Variants in ZRANB1 observed in about 807,000 individuals in gnomAD.
ZRANB1 encodes the protein zinc finger RANBP2-type containing 1.
ZRANB1 carries 16 observed loss-of-function variants against 80.5 expected under a neutral mutation model. The ratio of observed to expected loss-of-function variants is 0.20; its 90% CI spans 0.13 to 0.30. The LOEUF (loss-of-function observed/expected upper bound fraction) is 0.30. ZRANB1 is among the 10% of genes least tolerant of loss of function. ZRANB1 has a pLI of 1.00. For synonymous variants in ZRANB1, 291 were observed against 293.1 expected (o/e 0.99, Z 0.07); for missense variants, 576 against 862.6 (o/e 0.67, Z 4.16).
At chr10:124,980,120 ATGGTGG>A (rs1951919582) in intron 5 of ZRANB1, among the ~76,000 whole-genome samples, 1 of 152,178 alleles carries the variant, frequency 6.6e-6, no homozygotes, top group South Asian at 2.1e-4. Context: ...AATTGGGGTG[ATGGTGG>A]TATTGCCAGC....
At chr10:124,922,706 G>A in the ZRANB1 span, among the ~76,000 whole-genome samples, 6 of 151,662 alleles carry the variant, frequency 4.0e-5, no homozygotes, top group East Asian at 2.0e-4. Flanking sequence ...GTGTTGGCCC[G>A]GCTGGTCTCG....
chr10:124,984,316 ATTC>A lies in ZRANB1; in HGVS notation c.1909-455_1909-453del, dbSNP rs573061511. ...AACAACGCTCTTTCAGAAAGCCAGT[ATTC>A]TTATAAAAGTATTGGTCTTTTATTT... On this transcript the variant is annotated intron_variant, in intron 8 of 8. Transcript: ENST00000359653. 7.7e-5 allele frequency: 12 copies of A among 155,726 alleles called. 1 individual carries two copies. Among genetic ancestry groups the A allele is most frequent in the African/African-American group, 2.9e-4 (12 of 41,630 alleles). The allele number at this position is 155,726 out of a possible 1,614,324, so 9.6% of individuals were successfully genotyped here.
chr10:124,972,792 G>A (rs76509216), intron 3 of ZRANB1, among the ~76,000 whole-genome samples: 23,945 of 148,552 alleles, frequency 0.16, 2,441 homozygotes, highest in African/African-American at 0.29. Flanking sequence ...TTTTTTTTTA[G>A]ATTGAAACGG....
At chr10:124,961,736 CTT>C (rs1951736239) in intron 1 of ZRANB1, among the ~76,000 whole-genome samples, 1 of 152,146 alleles carries the variant, frequency 6.6e-6, no homozygotes, top group South Asian at 2.1e-4. Flanking sequence ...CTCATTGAAT[CTT>C]TTATTTTTCT....
In ZRANB1 at chr10:124,985,164, C is replaced by G. The variant is rs766083557; in HGVS notation, c.*172C>G. Reference sequence around the variant, plus strand: ...CCTTATGGAGATAATGCCTCTGCTGCGTGAGGAGACAGAGAACTTTAGTTG... The same window carrying G: ...CCTTATGGAGATAATGCCTCTGCTGGGTGAGGAGACAGAGAACTTTAGTTG... On this transcript the variant is annotated 3_prime_UTR_variant, in exon 9 of 9. Coordinates refer to ENST00000359653, the MANE Select transcript of ZRANB1 (RefSeq NM_017580.3). 1 of 528,564 alleles carries G rather than the reference C, an allele frequency of 1.9e-6. No homozygotes were observed. Among genetic ancestry groups the G allele is most frequent in the Non-Finnish European group, 3.3e-6 (1 of 301,298 alleles). The allele number at this position is 528,564 out of a possible 1,614,324, so 32.7% of individuals were successfully genotyped here.
At chr10:124,972,839 C>T (rs988130371) in intron 3 of ZRANB1, among the ~76,000 whole-genome samples, 4 of 150,794 alleles carry the variant, frequency 2.7e-5, no homozygotes, top group African/African-American at 9.8e-5. Flanking sequence ...GTGCAATGGG[C>T]GTGATCATAG....
chr10:124,975,334 T>A (rs1951867175), intron 5 of ZRANB1, among the ~76,000 whole-genome samples: 1 of 152,190 alleles, frequency 6.6e-6, no homozygotes. Flanking sequence ...CGTGGGTCAA[T>A]TCGTTGTAGA....
intron 6 of ZRANB1, among the ~76,000 whole-genome samples, chr10:124,982,160 C>T (rs1951940775): frequency 6.6e-6 from 1 of 152,176 alleles, no homozygotes; most frequent in Non-Finnish European, 1.5e-5. Context: ...CTTGGGATTG[C>T]TCTCCGTTCC....
the ZRANB1 span, among the ~76,000 whole-genome samples, chr10:124,931,849 A>G: frequency 1.3e-5 from 2 of 152,206 alleles, no homozygotes; most frequent in East Asian, 3.8e-4. Context: ...CCCAAAGTAC[A>G]TAATTTACAG....
chr10:124,943,032 T>C lies in ZRANB1; in HGVS notation c.539T>C (p.Ile180Thr), dbSNP rs1164311633. 2 of 1,614,174 alleles carry C rather than the reference T, an allele frequency of 1.2e-6. No homozygotes were observed. The highest frequency in any genetic ancestry group is 1.7e-5 in the Admixed American group (1 of 60,010). Reference sequence around the variant, plus strand: ...TGTGATCATCCCAGACCTAATAACATTGAAGCAATAGAATTGGCAGAGACT... The same window carrying C: ...TGTGATCATCCCAGACCTAATAACACTGAAGCAATAGAATTGGCAGAGACT... ...VVCDHPRPNN[I>T]EAIELAETEE... is the part of the protein sequence containing the mutation. Residue 180 changes from isoleucine (I) to threonine (T), a missense_variant, in exon 1 of 9, where the codon ATT (isoleucine) becomes ACT (threonine). Coordinates refer to ENST00000359653, the MANE Select transcript of ZRANB1 (RefSeq NM_017580.3).
the ZRANB1 span, among the ~76,000 whole-genome samples, chr10:124,927,117 G>A: frequency 9.9e-5 from 15 of 152,040 alleles, no homozygotes; most frequent in Non-Finnish European, 1.9e-4. Flanking sequence ...CACCTCGCCC[G>A]GCTAATTTTT....
the ZRANB1 span, among the ~76,000 whole-genome samples, chr10:124,927,835 G>A: frequency 3.6e-4 from 55 of 152,252 alleles, no homozygotes; most frequent in African/African-American, 1.0e-3. Context: ...CCAGGAGTTG[G>A]AGACCAGCCT....
intron 1 of ZRANB1, 100 bp from the exon 2 acceptor site, chr10:124,966,494 C>A: frequency 8.6e-7 from 1 of 1,157,588 alleles, no homozygotes; most frequent in Non-Finnish European, 1.3e-6. Flanking sequence ...ATCCAGGAAG[C>A]ACAGAGAAAC....
chr10:124,947,084 G>A (rs1451577578), intron 1 of ZRANB1, among the ~76,000 whole-genome samples: 7 of 152,204 alleles, frequency 4.6e-5, no homozygotes, highest in African/African-American at 1.4e-4. Context: ...TAACACATCA[G>A]CAGTATCGAG....
intron 1 of ZRANB1, among the ~76,000 whole-genome samples, chr10:124,957,932 G>C (rs887215181): frequency 1.3e-5 from 2 of 152,140 alleles, no homozygotes; most frequent in Non-Finnish European, 2.9e-5. Flanking sequence ...GTTTCACCAT[G>C]TTGGCCAGGC....
At position 124,942,777 on chromosome 10, in the gene ZRANB1, A is replaced by G; in HGVS notation, c.284A>G (p.Tyr95Cys). Residue 95 changes from tyrosine (Y) to cysteine (C), a missense_variant, in exon 1 of 9, where the codon TAT becomes TGT. This residue lies in a region of ZRANB1 where 411 missense variants were observed against 583.1 expected (regional missense o/e 0.70). Coordinates refer to ENST00000359653, the MANE Select transcript of ZRANB1 (RefSeq NM_017580.3). ...ANKWSCHMCT[Y>C]LNWPRAIRCT... ...AAGTGGTCATGCCACATGTGTACAT[A>G]TTTGAACTGGCCAAGAGCAATCAGA... is the stretch of plus-strand genomic sequence containing the variant. The G allele has an allele frequency of 6.2e-7, 1 of 1,614,248 alleles. No homozygotes were observed. The highest frequency in any genetic ancestry group is 8.5e-7 in the Non-Finnish European group (1 of 1,180,042).
intron 1 of ZRANB1, among the ~76,000 whole-genome samples, chr10:124,961,163 G>C (rs913418755): frequency 2.0e-5 from 3 of 151,950 alleles, no homozygotes; most frequent in African/African-American, 7.3e-5. Context: ...CCCCACGCCC[G>C]GCTAATTTTT....
intron 5 of ZRANB1, among the ~76,000 whole-genome samples, chr10:124,974,718 C>T (rs1275859633): frequency 6.6e-6 from 1 of 152,164 alleles, no homozygotes; most frequent in Non-Finnish European, 1.5e-5. Flanking sequence ...ATTTCAAATG[C>T]AGCATTTCAA....
chr10:124,935,753 G>A, the ZRANB1 span, among the ~76,000 whole-genome samples: 4,553 of 152,266 alleles, frequency 0.03, 214 homozygotes, highest in African/African-American at 0.1. Flanking sequence ...ATTCAACATG[G>A]CCTCTTCTTG....
Sources: gnomAD v4.1 joint callset for allele counts (sites outside exome capture counted in the v4.1 genomes callset) on GRCh38, gnomAD v4.1.1 for gene constraint, gnomAD v4.1.1 regional missense constraint, MANE v1.5 for transcripts, NCBI Gene and HGNC (gene_info 2026-07-23, HGNC 2026-07-21) for gene names.